COPG2: variants seen among roughly 807,000 people sequenced by gnomAD.
COPG2 encodes coatomer subunit gamma-2.
A neutral mutation model predicts 46.3 loss-of-function variants in COPG2; 37 were observed. The observed-to-expected ratio is 0.80, with a 90% CI of 0.61 to 1.05. COPG2 has a LOEUF of 1.05. Ranked by LOEUF, COPG2 falls within the 50% of genes least tolerant of loss-of-function variation. COPG2 has a pLI of 0.00. For synonymous variants in COPG2, 159 were observed against 129.7 expected (o/e 1.23, Z -1.53); for missense variants, 427 against 387.8 (o/e 1.10, Z -0.85).
chr7:130,574,646 T>TC (rs1237779865), intron 9 of COPG2, among the ~76,000 whole-genome samples: 4 of 151,802 alleles, frequency 2.6e-5, no homozygotes, highest in African/African-American at 4.8e-5. Flanking sequence ...CTTTAACACC[T>TC]CCCCCCCCAA....
At chr7:130,635,751 G>A (rs1795325480) in intron 5 of COPG2, among the ~76,000 whole-genome samples, 4 of 152,068 alleles carry the variant, frequency 2.6e-5, no homozygotes. Context: ...GCTAGCTTTT[G>A]AATTTGTTTG....
At chr7:130,616,634 G>C (rs989177217) in intron 6 of COPG2, among the ~76,000 whole-genome samples, 1 of 152,126 alleles carries the variant, frequency 6.6e-6, no homozygotes, top group Non-Finnish European at 1.5e-5. Context: ...TCTTAAAGCT[G>C]CCCAATTTCT....
At chr7:130,560,974 A>C in intron 12 of COPG2, 59 bp downstream of exon 12, 1 of 398,418 alleles carries the variant, frequency 2.5e-6, no homozygotes, top group Non-Finnish European at 4.4e-6. Context: ...GATACCGTTA[A>C]GAAAATAAAT....
intron 4 of COPG2, among the ~76,000 whole-genome samples, chr7:130,655,580 G>A (rs530726695): frequency 6.6e-6 from 1 of 150,590 alleles, no homozygotes; most frequent in Non-Finnish European, 1.5e-5. Flanking sequence ...TTCTCTCCCC[G>A]CCCCTCTTTT....
At chr7:130,549,834 A>G (rs1453732469) in intron 17 of COPG2, among the ~76,000 whole-genome samples, 11 of 152,146 alleles carry the variant, frequency 7.2e-5, no homozygotes, top group Non-Finnish European at 1.5e-5. Flanking sequence ...ATTCTTTGGG[A>G]ATATTTTTTA....
intron 9 of COPG2, 141 bp from the exon 10 acceptor site, chr7:130,564,534 C>T (rs1239378007): frequency 7.6e-6 from 3 of 396,094 alleles, no homozygotes; most frequent in African/African-American, 6.2e-5. Flanking sequence ...CATCACAAAG[C>T]AATTAGAACA....
rs943812375 is a variant in COPG2 at position 130,520,776 on chromosome 7, A to G, written c.2150-12117T>C. On this transcript the variant is annotated intron_variant, in intron 20 of 23. Coordinates refer to ENST00000425248, the MANE Select transcript of COPG2 (RefSeq NM_012133.6). ...TATTTCCAAAAAACTTCTTGTTTTT[A>G]TATTTTATTTAAAAATGTATATGCA... Among the ~76,000 whole-genome samples, 40 of 152,342 alleles carry G rather than the reference A, an allele frequency of 2.6e-4. 1 individual carries two copies. In the South Asian group the frequency reaches 8.1e-3, roughly 31 times the overall value.
chr7:130,634,503 T>C (rs1795296801), intron 5 of COPG2, among the ~76,000 whole-genome samples: 1 of 152,212 alleles, frequency 6.6e-6, no homozygotes, highest in African/African-American at 2.4e-5. Context: ...AGTTCACTCA[T>C]GATTTGGCTG....
In COPG2 at chr7:130,615,436, T is replaced by C. The variant is rs143391236; in HGVS notation, c.399+1554A>G. Among the ~76,000 whole-genome samples the C allele has an allele frequency of 2.0e-3, 301 of 152,350 alleles. 4 individuals carry two copies. Among genetic ancestry groups the C allele is most frequent in the African/African-American group, 6.8e-3 (281 of 41,576 alleles). On this transcript the variant is annotated intron_variant, in intron 6 of 23. Transcript: ENST00000425248. ...AATTATGGAATGAATGCACTTCATC[T>C]ATGTCTTCGTTATAGATGCTAAAGG...
intron 20 of COPG2, among the ~76,000 whole-genome samples, chr7:130,527,447 T>C (rs1283452254): frequency 7.4e-4 from 84 of 112,804 alleles, no homozygotes; most frequent in African/African-American, 2.8e-3. Context: ...CAGCAGTGAT[T>C]CTTATCTGGG....
intron 5 of COPG2, among the ~76,000 whole-genome samples, chr7:130,651,541 G>A (rs1554459093): frequency 8.9e-6 from 1 of 111,972 alleles, no homozygotes; most frequent in Admixed American, 1.3e-4. Flanking sequence ...ACGGAGTCTC[G>A]CTCTGTCCCC....
intron 9 of COPG2, among the ~76,000 whole-genome samples, chr7:130,600,733 CTCT>C (rs1199205064): frequency 6.6e-6 from 1 of 152,064 alleles, no homozygotes; most frequent in African/African-American, 2.4e-5. Flanking sequence ...GCATAAAGGT[CTCT>C]TGTTTCATTT....
At chr7:130,558,182 CA>C (rs1793662178) in intron 12 of COPG2, among the ~76,000 whole-genome samples, 1 of 152,022 alleles carries the variant, frequency 6.6e-6, no homozygotes, top group Non-Finnish European at 1.5e-5. Flanking sequence ...TGCCCCCAAC[CA>C]AATCTCATGT....
chr7:130,659,291 G>C (rs1201922798), intron 4 of COPG2, among the ~76,000 whole-genome samples: 5 of 134,136 alleles, frequency 3.7e-5, no homozygotes, highest in Non-Finnish European at 7.7e-5. Context: ...GGAGGCAAAG[G>C]TTGCAGTGAG....
At chr7:130,605,620 A>G (rs1554451112) in intron 9 of COPG2, 3 of 442,080 alleles carry the variant, frequency 6.8e-6, no homozygotes, top group Non-Finnish European at 1.4e-5. Context: ...AATACAGGCA[A>G]CCTCTAGAGG....
intron 20 of COPG2, among the ~76,000 whole-genome samples, chr7:130,528,556 A>C (rs1799795268): frequency 6.6e-6 from 1 of 152,116 alleles, no homozygotes. Context: ...GGAGAATCAC[A>C]GATCGTGCTG....
intron 20 of COPG2, among the ~76,000 whole-genome samples, chr7:130,514,677 T>C (rs1255105854): frequency 6.6e-6 from 1 of 152,140 alleles, no homozygotes; most frequent in Non-Finnish European, 1.5e-5. Flanking sequence ...AACATTAAAG[T>C]TGACTCCAGA....
intron 9 of COPG2, among the ~76,000 whole-genome samples, chr7:130,597,217 G>A (rs1554449808): frequency 1.3e-5 from 2 of 152,156 alleles, no homozygotes; most frequent in Non-Finnish European, 2.9e-5. Context: ...CCCTGCTAGG[G>A]TTGCCCACAG....
chr7:130,507,398 G>GTATT (rs1563031190), intron 22 of COPG2, 26 bp from the exon 23 acceptor site: 2 of 780,166 alleles, frequency 2.6e-6, no homozygotes, highest in Admixed American at 3.4e-5. Flanking sequence ...GTATGAGACA[G>GTATT]TATTAGGAAA....
Sources: allele counts gnomAD v4.1 joint callset (sites outside exome capture counted in the v4.1 genomes callset), GRCh38; gene constraint gnomAD v4.1.1; transcripts MANE v1.5; gene names NCBI Gene and HGNC (gene_info 2026-07-23, HGNC 2026-07-21).